The following SNRNP40 variants were observed in gnomAD, a reference collection of about 807,000 sequenced individuals.
SNRNP40 encodes the protein small nuclear ribonucleoprotein U5 subunit 40, also known as U5 small nuclear ribonucleoprotein 40 kDa protein.
A neutral mutation model predicts 45.8 loss-of-function variants in SNRNP40; 21 were observed. The ratio of observed to expected loss-of-function variants is 0.46; its 90% CI spans 0.32 to 0.66. The LOEUF (loss-of-function observed/expected upper bound fraction) is 0.66, where lower values mean the gene tolerates loss of function less well. Among genes scored for constraint, SNRNP40 ranks in the 30% least tolerant of loss-of-function variants. SNRNP40 has a pLI of 0.03. For missense variants in SNRNP40, 344 were observed against 439.1 expected (o/e 0.78, Z 1.94); for synonymous variants, 142 against 163.8 (o/e 0.87, Z 1.01).
chr1:31,284,246 TC>T (rs1328550735), intron 4 of SNRNP40, among the ~76,000 whole-genome samples: 6 of 152,232 alleles, frequency 3.9e-5, no homozygotes, highest in African/African-American at 1.2e-4. Context: ...GCTTCCGTGT[TC>T]CAGCAATTCT....
intron 5 of SNRNP40, among the ~76,000 whole-genome samples, chr1:31,274,234 C>T (rs573696849): frequency 2.7e-4 from 41 of 152,156 alleles, no homozygotes; most frequent in Admixed American, 5.9e-4. Flanking sequence ...ATCCTTCTGA[C>T]CCATTGATTA....
Position 31,260,026 on chromosome 1 carries a change from T to A in SNRNP40, c.*46A>T, listed in dbSNP as rs373867939. 7.2e-7 allele frequency: 1 copy of A among 1,387,146 alleles called. No individual in the cohort carries two copies. Among genetic ancestry groups the A allele is most frequent in the South Asian group, 1.2e-5 (1 of 86,112 alleles). The allele number at this position is 1,387,146 out of a possible 1,614,324, so 85.9% of individuals were successfully genotyped here. A position where few individuals can be genotyped will look rare whatever the true frequency, so the allele number is the denominator to read the frequency against. ...AACATTTGGCATCACTTATGCAGTC[T>A]GAGGTCTCAAAGACAAGCGGCCTTG... On this transcript the variant is annotated 3_prime_UTR_variant, in exon 10 of 10. Coordinates refer to ENST00000263694, the MANE Select transcript of SNRNP40 (RefSeq NM_004814.3).
chr1:31,289,043 C>G (rs535844211), intron 4 of SNRNP40, among the ~76,000 whole-genome samples: 120 of 152,180 alleles, frequency 7.9e-4, no homozygotes, highest in Non-Finnish European at 1.6e-3. Context: ...TTTCAAGTAA[C>G]AATTTATTCT....
intron 1 of SNRNP40, among the ~76,000 whole-genome samples, chr1:31,296,369 A>T (rs1646157514): frequency 6.6e-6 from 1 of 152,188 alleles, no homozygotes; most frequent in South Asian, 2.1e-4. Flanking sequence ...CAAGGTCCTC[A>T]ACTCTAATTC....
At chr1:31,282,636 C>G (rs901742321) in intron 4 of SNRNP40, among the ~76,000 whole-genome samples, 4 of 151,324 alleles carry the variant, frequency 2.6e-5, no homozygotes, top group Admixed American at 6.6e-5. Flanking sequence ...CTATATCTAT[C>G]TATCTATGTA....
chr1:31,268,059 T>G lies in SNRNP40; in HGVS notation c.859-127A>C, dbSNP rs1340721680. 7 of 607,948 alleles carry G rather than the reference T, an allele frequency of 1.2e-5. No individual in the cohort carries two copies. In the East Asian group the frequency reaches 2.1e-4, roughly 18 times the overall value. The allele number at this position is 607,948 out of a possible 1,614,324, so 37.7% of individuals were successfully genotyped here. On this transcript the variant is annotated intron_variant, in intron 7 of 9. Coordinates refer to ENST00000263694, the MANE Select transcript of SNRNP40 (RefSeq NM_004814.3). Reference sequence around the variant, plus strand: ...TTACTCTTCTCAGGAAGATGGTCTGTAATTATCTTATATTCTATGGCCCAA... The same window carrying G: ...TTACTCTTCTCAGGAAGATGGTCTGGAATTATCTTATATTCTATGGCCCAA...
At chr1:31,278,651 T>C (rs1316833111) in intron 5 of SNRNP40, among the ~76,000 whole-genome samples, 1 of 152,180 alleles carries the variant, frequency 6.6e-6, no homozygotes, top group African/African-American at 2.4e-5. Context: ...CAAGTATTTA[T>C]ATGATGGAAA....
rs368435910 is a variant in SNRNP40 at position 31,281,449 on chromosome 1, C to A, written c.579G>T (p.Thr193=). 6.2e-6 allele frequency: 10 copies of A among 1,608,902 alleles called. No individual in the cohort carries two copies. The African/African-American group carries it at 6.7e-5, about 11-fold the overall frequency. ...TGAAGGTCACAGCTAACACCTGGTA[C>A]GTGTTCTGAAATGTCTGGATGGCTG... ...KKAAIQTFQN[T]YQVLAVTFND... is the part of the protein sequence containing the mutation. The change falls in exon 5 of 10, where the codon ACG becomes ACT. Residue 193 remains threonine (T), a synonymous_variant. Coordinates refer to ENST00000263694, the MANE Select transcript of SNRNP40 (RefSeq NM_004814.3).
chr1:31,261,622 C>T lies in SNRNP40; in HGVS notation c.931G>A (p.Val311Met), dbSNP rs543459509. 6.2e-7 allele frequency: 1 copy of T among 1,612,354 alleles called. No homozygotes were observed. Among genetic ancestry groups the T allele is most frequent in the Non-Finnish European group, 8.5e-7 (1 of 1,178,490 alleles). Residue 311 changes from valine to methionine, a missense_variant, in exon 9 of 10, where the codon GTG becomes ATG. Transcript: ENST00000263694. The part of the protein sequence containing the change: ...AAGSADRFVY[V>M]WDTTSRRILY... Reference sequence around the variant, plus strand: ...ATTCTCCTGCTTGTGGTATCCCACACATAAACAAACCTGTAAGGTATCATG... The same window carrying T: ...ATTCTCCTGCTTGTGGTATCCCACATATAAACAAACCTGTAAGGTATCATG...
chr1:31,284,376 C>T (rs550418669), intron 4 of SNRNP40, among the ~76,000 whole-genome samples: 1 of 152,336 alleles, frequency 6.6e-6, no homozygotes, highest in African/African-American at 2.4e-5. Flanking sequence ...TCTCGAACTC[C>T]TGACCTCAGG....
chr1:31,279,905 G>A (rs12133730), intron 5 of SNRNP40, among the ~76,000 whole-genome samples: 19,806 of 151,042 alleles, frequency 0.13, 1,435 homozygotes, highest in Non-Finnish European at 0.15. Context: ...TCAGGAGTTC[G>A]AGATAAGCCT....
At chr1:31,282,539 C>T (rs1235778757) in intron 4 of SNRNP40, 1 of 151,764 alleles carries the variant, frequency 6.6e-6, no homozygotes, top group Non-Finnish European at 1.5e-5. Flanking sequence ...TGGGGACACA[C>T]TCTCCCTCTG....
In SNRNP40 at chr1:31,296,758, A is replaced by T; in HGVS notation, c.-7T>A. ...GCTTCTGCTGTTCTATCATGGCGGC[A>T]ACCGGTCTCTTCAGCGCCGCCACTG... is the stretch of plus-strand genomic sequence containing the variant. On this transcript the variant is annotated 5_prime_UTR_variant, in exon 1 of 10. Coordinates refer to ENST00000263694, the MANE Select transcript of SNRNP40 (RefSeq NM_004814.3). 6.3e-7 allele frequency: 1 copy of T among 1,594,326 alleles called. No individual in the cohort carries two copies. Among genetic ancestry groups the T allele is most frequent in the Non-Finnish European group, 8.5e-7 (1 of 1,169,988 alleles).
At position 31,261,545 on chromosome 1, in the gene SNRNP40, G is replaced by A; in HGVS notation, c.1008C>T (p.His336=). 6.2e-7 allele frequency: 1 copy of A among 1,612,638 alleles called. No homozygotes were observed. The highest frequency in any genetic ancestry group is 8.5e-7 in the Non-Finnish European group (1 of 1,178,666). The change falls in exon 9 of 10, where the codon CAC becomes CAT. Residue 336 remains histidine, a synonymous_variant. Transcript: ENST00000263694. ...HAGSINEVAF[H]PDEPIIISAS... ...CAGACTTACTGATGGGCTCATCAGG[G>A]TGGAAAGCCACTTCATTGATGGAGC... is the stretch of plus-strand genomic sequence containing the variant.
chr1:31,296,544 C>T, intron 1 of SNRNP40, 67 bp downstream of exon 1: 4 of 1,531,912 alleles, frequency 2.6e-6, no homozygotes, highest in Non-Finnish European at 3.5e-6. Context: ...TCAGGGATCA[C>T]CAGATACAGC....
intron 8 of SNRNP40, among the ~76,000 whole-genome samples, chr1:31,262,664 TC>T (rs964334804): frequency 6.0e-5 from 9 of 149,026 alleles, no homozygotes; most frequent in South Asian, 2.1e-4. Flanking sequence ...TTAGAACTCT[TC>T]AAAAAAAAAG....
chr1:31,293,198 G>C, intron 2 of SNRNP40, 21 bp downstream of exon 2: 1 of 1,612,250 alleles, frequency 6.2e-7, no homozygotes, highest in Non-Finnish European at 8.5e-7. Flanking sequence ...AATTATTCCA[G>C]ATTCAAAAAC....
chr1:31,276,535 C>A (rs1569650083), intron 5 of SNRNP40, among the ~76,000 whole-genome samples: 1 of 150,440 alleles, frequency 6.6e-6, no homozygotes, highest in East Asian at 2.0e-4. Flanking sequence ...CACAGCAATG[C>A]ATCAAAGGTG....
intron 6 of SNRNP40, 63 bp from the exon 7 acceptor site, chr1:31,269,303 C>T (rs753435516): frequency 3.1e-6 from 5 of 1,598,786 alleles, no homozygotes; most frequent in Non-Finnish European, 4.3e-6. Context: ...GCCTCCTGGG[C>T]ACCCAGCTGA....
Sources: allele counts gnomAD v4.1 joint callset (sites outside exome capture counted in the v4.1 genomes callset), GRCh38; gene constraint gnomAD v4.1.1; transcripts MANE v1.5; gene names NCBI Gene and HGNC (gene_info 2026-07-23, HGNC 2026-07-21).